The following CFAP44 variants were observed in gnomAD, a reference collection of about 807,000 sequenced individuals.
CFAP44 encodes cilia- and flagella-associated protein 44.
Under a neutral mutation model 216.2 loss-of-function variants are expected in CFAP44, and 134 were observed. The ratio of observed to expected loss-of-function variants is 0.62; its 90% CI spans 0.54 to 0.72. The LOEUF (loss-of-function observed/expected upper bound fraction) is 0.72, where lower values mean the gene tolerates loss of function less well. CFAP44 is among the 30% of genes least tolerant of loss of function. The pLI is 0.00. For synonymous variants in CFAP44, 700 were observed against 727.6 expected, an observed-to-expected ratio of 0.96 and a Z score of 0.61; for missense variants, 2,035 against 2,182.1, an observed-to-expected ratio of 0.93 and a Z score of 1.34.
chr3:113,409,022 A>T, intron 7 of CFAP44, 84 bp downstream of exon 7: 1 of 834,750 alleles, frequency 1.2e-6, no homozygotes. Flanking sequence ...AAAAAAAAAA[A>T]AAAAAAAGTC....
chr3:113,334,650 A>G (rs1366492268), intron 24 of CFAP44, among the ~76,000 whole-genome samples: 1 of 152,154 alleles, frequency 6.6e-6, no homozygotes, highest in Non-Finnish European at 1.5e-5. Context: ...ATTTAGCAAA[A>G]TTAATTAAAG....
intron 28 of CFAP44, among the ~76,000 whole-genome samples, chr3:113,311,479 T>C (rs558798763): frequency 1.5e-3 from 221 of 152,236 alleles, no homozygotes; most frequent in African/African-American, 5.2e-3. Context: ...TTTCTCTTGC[T>C]GCCACCATGT....
chr3:113,315,567 C>T (rs1950078638), intron 28 of CFAP44, among the ~76,000 whole-genome samples: 1 of 152,160 alleles, frequency 6.6e-6, no homozygotes. Context: ...TCAACAGCAT[C>T]AACAACCAAC....
Position 113,379,358 on chromosome 3 carries a change from G to A in CFAP44, c.2246C>T (p.Ser749Phe). Residue 749 changes from serine to phenylalanine, a missense_variant, in exon 17 of 35, where the codon TCT (serine) becomes TTT (phenylalanine). By Grantham distance (155) the Ser-to-Phe change is radical (BLOSUM62 -2). Coordinates refer to ENST00000393845, the MANE Select transcript of CFAP44 (RefSeq NM_001164496.2). ...LPEIFIPSTP[S>F]PILCGFYSEP... is the part of the protein sequence containing the mutation. ...TGAGTAAAATCCACAGAGGATGGGA[G>A]AGGGGGTTGACGGAATAAATATTTC... The A allele has an allele frequency of 6.2e-7, 1 of 1,612,546 alleles. No individual in the cohort carries two copies. The highest frequency in any genetic ancestry group is 1.7e-5 in the Admixed American group (1 of 59,972).
intron 2 of CFAP44, 108 bp downstream of exon 2, chr3:113,433,453 AAAAG>A: frequency 3.7e-5 from 17 of 459,748 alleles, no homozygotes; most frequent in Admixed American, 7.4e-5. Context: ...AAAAAAAAAA[AAAAG>A]ATCTATTTTA....
At chr3:113,376,511 A>G (rs906889811) in intron 17 of CFAP44, among the ~76,000 whole-genome samples, 5 of 152,236 alleles carry the variant, frequency 3.3e-5, no homozygotes. Flanking sequence ...TGCACATGAG[A>G]AGCCAGCAAA....
intron 17 of CFAP44, among the ~76,000 whole-genome samples, chr3:113,375,057 T>C (rs1203348471): frequency 6.6e-6 from 1 of 152,140 alleles, no homozygotes; most frequent in Non-Finnish European, 1.5e-5. Context: ...CTTGGGGAAA[T>C]TATCCCAAGT....
chr3:113,422,554 T>A (rs1051039759), intron 4 of CFAP44, among the ~76,000 whole-genome samples: 5 of 152,198 alleles, frequency 3.3e-5, no homozygotes, highest in African/African-American at 1.2e-4. Flanking sequence ...CATAAATGCC[T>A]AAAATTAAAT....
chr3:113,405,521 A>C (rs1391055276), intron 8 of CFAP44, among the ~76,000 whole-genome samples: 3 of 152,122 alleles, frequency 2.0e-5, no homozygotes, highest in Non-Finnish European at 4.4e-5. Context: ...TTTCATTTGC[A>C]AGTCTACTCT....
chr3:113,375,629 C>T (rs916742314), intron 17 of CFAP44, among the ~76,000 whole-genome samples: 2 of 152,092 alleles, frequency 1.3e-5, no homozygotes, highest in Non-Finnish European at 2.9e-5. Context: ...ATTTAGAGTG[C>T]TACGAACTGC....
intron 13 of CFAP44, 86 bp downstream of exon 13, chr3:113,399,820 A>G (rs1251333728): frequency 1.1e-6 from 1 of 890,548 alleles, no homozygotes; most frequent in African/African-American, 1.7e-5. Flanking sequence ...ATTTTGAGTC[A>G]GCAAATATCT....
chr3:113,363,182 T>C lies in CFAP44; in HGVS notation c.2897A>G (p.Asn966Ser). The C allele has an allele frequency of 6.2e-7, 1 of 1,610,460 alleles. No homozygotes were observed. Among genetic ancestry groups the C allele is most frequent in the South Asian group, 1.1e-5 (1 of 89,546 alleles). ...CTGCATATGCTTTGGTAATTTTTCA[T>C]TCATTTCTAATAGATTACAAAATTC... Reference protein sequence around the residue: ...RSEFCNLLEMNEKLPKHMQFK... With the variant: ...RSEFCNLLEMSEKLPKHMQFK... The change falls in exon 21 of 35, where the codon AAT (asparagine) becomes AGT (serine). Residue 966 changes from asparagine (N) to serine (S), a missense_variant. This residue lies in a region of CFAP44 where 1,883 missense variants were observed against 2,023.7 expected (regional missense o/e 0.93). Transcript: ENST00000393845.
chr3:113,325,920 T>C (rs1165823720), intron 28 of CFAP44, among the ~76,000 whole-genome samples: 3 of 152,172 alleles, frequency 2.0e-5, no homozygotes, highest in African/African-American at 7.2e-5. Flanking sequence ...CCAAATGATC[T>C]TGACAAAGAT....
intron 9 of CFAP44, among the ~76,000 whole-genome samples, chr3:113,403,541 T>C (rs1339949590): frequency 6.6e-6 from 1 of 152,242 alleles, no homozygotes; most frequent in East Asian, 1.9e-4. Flanking sequence ...ATGGAGCCTT[T>C]TGGAAGGATA....
At chr3:113,381,617 A>C (rs1408768735) in intron 15 of CFAP44, among the ~76,000 whole-genome samples, 1 of 152,206 alleles carries the variant, frequency 6.6e-6, no homozygotes, top group Non-Finnish European at 1.5e-5. Flanking sequence ...TTAAATTTCA[A>C]ATTAATCTCT....
intron 28 of CFAP44, among the ~76,000 whole-genome samples, chr3:113,311,860 C>T (rs1294150887): frequency 1.3e-5 from 2 of 152,120 alleles, no homozygotes; most frequent in Non-Finnish European, 2.9e-5. Context: ...AGATGAGAAG[C>T]TTGTTGGGAA....
chr3:113,433,832 C>G (rs1935170498), intron 1 of CFAP44, 163 bp from the exon 2 acceptor site: 1 of 580,138 alleles, frequency 1.7e-6, no homozygotes, highest in Non-Finnish European at 3.1e-6. Flanking sequence ...CAACTACCAC[C>G]AGAGACCTCT....
At chr3:113,410,200 G>C (rs979743826) in intron 6 of CFAP44, among the ~76,000 whole-genome samples, 2 of 151,922 alleles carry the variant, frequency 1.3e-5, no homozygotes, top group African/African-American at 4.8e-5. Flanking sequence ...TGCACAACGT[G>C]CAGGTTTGTT....
intron 32 of CFAP44, among the ~76,000 whole-genome samples, chr3:113,303,211 G>A (rs1180997715): frequency 6.6e-6 from 1 of 152,190 alleles, no homozygotes; most frequent in Non-Finnish European, 1.5e-5. Context: ...ATATCCCTCT[G>A]TAACCCAGAG....
Sources: allele counts gnomAD v4.1 joint callset (sites outside exome capture counted in the v4.1 genomes callset), GRCh38; gene constraint gnomAD v4.1.1; regional missense constraint gnomAD v4.1.1; transcripts MANE v1.5; gene names NCBI Gene and HGNC (gene_info 2026-07-23, HGNC 2026-07-21).